Variants in SYNE2 observed in about 807,000 individuals in gnomAD.
SYNE2 encodes spectrin repeat containing nuclear envelope protein 2, also known as nesprin-2.
SYNE2 carries 431 observed loss-of-function variants against 856.3 expected under a neutral mutation model. The observed-to-expected ratio is 0.50, with a 90% confidence interval of 0.47 to 0.55. The LOEUF is 0.55. Ranked by LOEUF, SYNE2 falls within the 20% of genes least tolerant of loss-of-function variation. The pLI is 0.00. For missense variants in SYNE2, 8,129 were observed against 8,023.2 expected, an observed-to-expected ratio of 1.01 and a Z score of -0.50; for synonymous variants, 2,923 against 2,872.3, an observed-to-expected ratio of 1.02 and a Z score of -0.56.
At chr14:64,093,893 T>G (rs142715263) in intron 61 of SYNE2, among the ~76,000 whole-genome samples, 11 of 152,222 alleles carry the variant, frequency 7.2e-5, no homozygotes, top group African/African-American at 2.4e-4. Flanking sequence ...CACAGGATAT[T>G]TGGACAACCT....
chr14:64,020,090 G>T lies in SYNE2; in HGVS notation c.5148G>T (p.Leu1716Phe). The T allele has an allele frequency of 1.2e-6, 2 of 1,606,456 alleles. No individual in the cohort carries two copies. Among genetic ancestry groups the T allele is most frequent in the Non-Finnish European group, 1.7e-6 (2 of 1,173,196 alleles). ...LLQSSEIPLE[L>F]QVMESSILNK... ...AAAGCAGTGAAATACCTCTTGAATT[G>T]CAGGTAAGAATTTTTATTTAAAAGT... The change falls in exon 35 of 116, where the codon TTG becomes TTT. Residue 1716 changes from leucine to phenylalanine, a missense_variant. Coordinates refer to ENST00000555002, the MANE Select transcript of SYNE2 (RefSeq NM_182914.3).
rs2738413 is a variant in SYNE2 at position 64,213,242 on chromosome 14, A to G, written c.19056+237A>G. Among the ~76,000 whole-genome samples, 95,907 of 152,144 alleles carry G rather than the reference A, an allele frequency of 0.63. 32,054 individuals carry two copies. Among genetic ancestry groups the G allele is most frequent in the African/African-American group, 0.87 (36,204 of 41,534 alleles). On this transcript the variant is annotated intron_variant, in intron 105 of 115. Coordinates refer to ENST00000555002, the MANE Select transcript of SYNE2 (RefSeq NM_182914.3). ...ATGGCACTTCTGAGGCGCATGCTCCACGAGTCGCTTTTAAGTATTCCTCAG... is the reference window on the plus strand; with the variant it reads ...ATGGCACTTCTGAGGCGCATGCTCCGCGAGTCGCTTTTAAGTATTCCTCAG...
At chr14:64,184,245 A>G (rs1030624452) in intron 96 of SYNE2, among the ~76,000 whole-genome samples, 2 of 152,158 alleles carry the variant, frequency 1.3e-5, no homozygotes, top group African/African-American at 4.8e-5. Flanking sequence ...CTGGGCACTG[A>G]ATCCGTGAGC....
chr14:64,194,778 T>C (rs2098533507), intron 99 of SYNE2, among the ~76,000 whole-genome samples: 1 of 152,196 alleles, frequency 6.6e-6, no homozygotes, highest in Non-Finnish European at 1.5e-5. Flanking sequence ...GACAGAAAGA[T>C]GCAAGGTTAA....
intron 1 of SYNE2, among the ~76,000 whole-genome samples, chr14:63,819,000 A>G (rs117834181): frequency 0.062 from 9,421 of 151,588 alleles, 315 homozygotes; most frequent in Admixed American, 0.1. Context: ...ACCTGGCCCA[A>G]ATTTTTTTTT....
intron 85 of SYNE2, among the ~76,000 whole-genome samples, chr14:64,154,410 T>C (rs1237023372): frequency 6.6e-6 from 1 of 152,114 alleles, no homozygotes; most frequent in African/African-American, 2.4e-5. Context: ...AAAGTATTTA[T>C]AAATCATATA....
chr14:64,167,762 A>C, intron 92 of SYNE2, 123 bp downstream of exon 92: 1 of 1,322,320 alleles, frequency 7.6e-7, no homozygotes. Flanking sequence ...GTATACCTTT[A>C]AGCAAATTCA....
intron 64 of SYNE2, among the ~76,000 whole-genome samples, chr14:64,104,416 G>T (rs1174795849): frequency 7.1e-6 from 1 of 140,652 alleles, no homozygotes; most frequent in Admixed American, 7.1e-5. Context: ...TTCCCCCAAT[G>T]TTCTGTCCTC....
intron 51 of SYNE2, among the ~76,000 whole-genome samples, chr14:64,069,023 G>A (rs1179538598): frequency 6.6e-6 from 1 of 152,114 alleles, no homozygotes; most frequent in African/African-American, 2.4e-5. Flanking sequence ...GTAGATGAGG[G>A]GAGCCGAAAC....
At chr14:64,040,274 C>G (rs967908311) in intron 45 of SYNE2, among the ~76,000 whole-genome samples, 10 of 151,868 alleles carry the variant, frequency 6.6e-5, no homozygotes, top group Admixed American at 2.0e-4. Flanking sequence ...AGAGAATACC[C>G]TAAGAAAGTG....
chr14:63,858,448 G>A (rs1341215236), intron 1 of SYNE2, among the ~76,000 whole-genome samples: 2 of 147,694 alleles, frequency 1.4e-5, no homozygotes, highest in Non-Finnish European at 3.0e-5. Flanking sequence ...ACAGTATCTC[G>A]CTGTGTTGCC....
At position 64,020,023 on chromosome 14, in the gene SYNE2, C is replaced by T. The variant is rs779629691; in HGVS notation, c.5081C>T (p.Ser1694Leu). 2 of 1,613,708 alleles carry T rather than the reference C, an allele frequency of 1.2e-6. No individual in the cohort carries two copies. The highest frequency in any genetic ancestry group is 1.7e-6 in the Non-Finnish European group (2 of 1,179,802). The change falls in exon 35 of 116, where the codon TCA (serine) becomes TTA (leucine). Residue 1694 changes from serine (S) to leucine (L), a missense_variant. Physicochemically the swap from Ser to Leu is moderately radical, Grantham distance 145 (BLOSUM62 -2). This residue lies in a region of SYNE2 where 2,422 missense variants were observed against 2,357.4 expected (regional missense o/e 1.03). Coordinates refer to ENST00000555002, the MANE Select transcript of SYNE2 (RefSeq NM_182914.3). ...EELQVHEQKT[S>L]EFSRRVAEIQ... ...TTACAAGTCCATGAACAAAAAACTTCAGAATTTTCTAGAAGAGTGGCTGAA... is the reference window on the plus strand; with the variant it reads ...TTACAAGTCCATGAACAAAAAACTTTAGAATTTTCTAGAAGAGTGGCTGAA...
chr14:64,110,333 A>G (rs1009462972), intron 65 of SYNE2, among the ~76,000 whole-genome samples: 2 of 152,144 alleles, frequency 1.3e-5, no homozygotes, highest in Non-Finnish European at 2.9e-5. Flanking sequence ...GCAGAAGTGA[A>G]GCAATGTGAT....
intron 1 of SYNE2, among the ~76,000 whole-genome samples, chr14:63,826,287 C>A (rs35346524): frequency 0.061 from 9,142 of 149,650 alleles, 296 homozygotes; most frequent in Middle Eastern, 0.1. Context: ...CCAAAAAAAT[C>A]AGTAGAAAAA....
chr14:64,225,110 G>C, intron 115 of SYNE2, 65 bp downstream of exon 115: 1 of 1,591,224 alleles, frequency 6.3e-7, no homozygotes, highest in Non-Finnish European at 8.6e-7. Flanking sequence ...ACTCAGTCTT[G>C]CCAATGCCAC....
In SYNE2 at chr14:63,762,087, A is replaced by G. The variant is rs181518653; in HGVS notation, c.-305+101A>G. On this transcript the variant is annotated intron_variant, in intron 1 of 23. Coordinates refer to the SYNE2 transcript ENST00000674003. Reference sequence around the variant, plus strand: ...CTGCTTTGACTGTACAATTTGTTCAATGAATTTTTGTTGAAAAATATGATC... The same window carrying G: ...CTGCTTTGACTGTACAATTTGTTCAGTGAATTTTTGTTGAAAAATATGATC... 415 of 478,758 alleles carry G rather than the reference A, an allele frequency of 8.7e-4. 1 individual carries two copies. The highest frequency in any genetic ancestry group is 7.5e-3 in the African/African-American group (375 of 50,110). The allele number at this position is 478,758 out of a possible 1,614,324, so 29.7% of individuals were successfully genotyped here.
chr14:63,950,110 T>G, intron 7 of SYNE2, 104 bp downstream of exon 7: 1 of 1,232,460 alleles, frequency 8.1e-7, no homozygotes, highest in Non-Finnish European at 1.2e-6. Context: ...AAATTCTCAC[T>G]ATCCCCCTTC....
At chr14:63,893,143 C>T (rs74941801) in intron 1 of SYNE2, among the ~76,000 whole-genome samples, 2,200 of 152,070 alleles carry the variant, frequency 0.014, 50 homozygotes, top group African/African-American at 0.05. Context: ...CAACAACAGA[C>T]ACCCATTCTT....
rs552602069 is a variant in SYNE2 at position 64,037,386 on chromosome 14, G to A, written c.7221+6029G>A. 6.9e-4 allele frequency among the ~76,000 whole-genome samples: 104 copies of A among 151,412 alleles called. 1 individual carries two copies. The highest frequency in any genetic ancestry group is 2.3e-3 in the African/African-American group (93 of 41,332). ...TGTTTAACAAAGCACATCTTGCACC[G>A]CCCTTAATCCATTTAACCCTGAGTG... On this transcript the variant is annotated intron_variant, in intron 45 of 115. Transcript: ENST00000555002.
Sources: allele counts gnomAD v4.1 joint callset (sites outside exome capture counted in the v4.1 genomes callset), GRCh38; gene constraint gnomAD v4.1.1; regional missense constraint gnomAD v4.1.1; transcripts MANE v1.5; gene names NCBI Gene and HGNC (gene_info 2026-07-23, HGNC 2026-07-21).